ACSM3: variants seen among roughly 807,000 people sequenced by gnomAD.
The protein encoded by ACSM3 is acyl-CoA synthetase medium chain family member 3.
A neutral mutation model predicts 74.1 loss-of-function variants in ACSM3; 61 were observed. That is an observed-to-expected ratio of 0.82 (90% confidence interval 0.67 to 1.02). The LOEUF (loss-of-function observed/expected upper bound fraction) is 1.02, where lower values mean the gene tolerates loss of function less well. ACSM3 is among the 50% of genes least tolerant of loss of function. The pLI is 0.00. For missense variants in ACSM3, 660 were observed against 697.0 expected, an observed-to-expected ratio of 0.95 and a Z score of 0.60; for synonymous variants, 213 against 241.5, an observed-to-expected ratio of 0.88 and a Z score of 1.09.
intron 1 of ACSM3, among the ~76,000 whole-genome samples, chr16:20,713,615 C>A (rs2079751240): frequency 6.6e-6 from 1 of 152,156 alleles, no homozygotes; most frequent in African/African-American, 2.4e-5. Flanking sequence ...TTGCACACTT[C>A]CTGAGCAGCA....
chr16:20,751,739 A>T (rs1175346656), intron 2 of ACSM3, among the ~76,000 whole-genome samples: 1 of 152,164 alleles, frequency 6.6e-6, no homozygotes, highest in Non-Finnish European at 1.5e-5. Context: ...CACATCGGTT[A>T]TGTCACCTTG....
chr16:20,709,847 G>T (rs1229217742), intron 1 of ACSM3, among the ~76,000 whole-genome samples: 2 of 152,160 alleles, frequency 1.3e-5, no homozygotes, highest in South Asian at 2.1e-4. Flanking sequence ...ACAAGTCTTG[G>T]GAGTCTGGGG....
chr16:20,741,840 C>T (rs2079929722), intron 1 of ACSM3: 9 of 1,537,378 alleles, frequency 5.9e-6, no homozygotes, highest in Non-Finnish European at 7.8e-6. Context: ...TGAGCGACGG[C>T]CTCCCCTAGC....
chr16:20,781,808 G>T lies in ACSM3; in HGVS notation c.1019+21G>T, dbSNP rs896807425. 3 of 1,541,252 alleles carry T rather than the reference G, an allele frequency of 1.9e-6. No individual in the cohort carries two copies. In the South Asian group the frequency reaches 3.4e-5, roughly 17 times the overall value. On this transcript the variant is annotated intron_variant, in intron 7 of 13. Transcript: ENST00000289416. ...ACCAGGTAAGAAATGTTAGTAAATA[G>T]GCATCTAGTGGGGAGAGGGGAGAAG...
intron 1 of ACSM3, among the ~76,000 whole-genome samples, chr16:20,698,269 G>T (rs2079701389): frequency 6.6e-6 from 1 of 151,502 alleles, no homozygotes; most frequent in African/African-American, 2.4e-5. Flanking sequence ...GGGTGTGAAT[G>T]AACTAGATCC....
Position 20,792,099 on chromosome 16 carries a change from C to T in ACSM3, c.1424C>T (p.Ala475Val). 6.2e-7 allele frequency: 1 copy of T among 1,614,090 alleles called. No homozygotes were observed. Among genetic ancestry groups the T allele is most frequent in the Non-Finnish European group, 8.5e-7 (1 of 1,180,004 alleles). ...MDKDGYFWFV[A>V]RADDVILSSG... ...AAAGATGGGTATTTCTGGTTTGTTGCAAGAGCAGATGATGTCATATTATCC... is the reference window on the plus strand; with the variant it reads ...AAAGATGGGTATTTCTGGTTTGTTGTAAGAGCAGATGATGTCATATTATCC... Residue 475 changes from alanine to valine, a missense_variant, in exon 11 of 14, where the codon GCA (alanine) becomes GTA (valine). Ala to Val is a moderately conservative substitution (Grantham distance 64). Transcript: ENST00000289416.
At chr16:20,675,154 G>A (rs2020194367) in intron 1 of ACSM3, among the ~76,000 whole-genome samples, 1 of 152,128 alleles carries the variant, frequency 6.6e-6, no homozygotes, top group South Asian at 2.1e-4. Flanking sequence ...GAGTCCTGGG[G>A]TAGAAGTGGT....
intron 8 of ACSM3, 101 bp from the exon 9 acceptor site, chr16:20,785,977 T>A (rs2080465535): frequency 1.3e-6 from 1 of 741,488 alleles, no homozygotes; most frequent in Non-Finnish European, 2.1e-6. Flanking sequence ...GCCTAGTTCA[T>A]AGTAAGTTTT....
At chr16:20,757,052 T>C (rs916074869) in intron 3 of ACSM3, among the ~76,000 whole-genome samples, 76 of 151,350 alleles carry the variant, frequency 5.0e-4, no homozygotes, top group African/African-American at 1.8e-3. Context: ...GTAGTATAGT[T>C]TGAAGTCAGG....
chr16:20,775,997 T>G lies in ACSM3; in HGVS notation c.378T>G (p.Ile126Met), dbSNP rs1567349932. The change falls in exon 3 of 14, where the codon ATT becomes ATG. Residue 126 changes from isoleucine to methionine, a missense_variant. Coordinates refer to ENST00000289416, the MANE Select transcript of ACSM3 (RefSeq NM_005622.4). ...AAAGAGGAGATCGGGTAATTCTGAT[T>G]CTGCCCAGGGTCCCAGAGTGGTGGC... The part of the protein sequence containing the change: ...SLQRGDRVIL[I>M]LPRVPEWWLA... The G allele has an allele frequency of 6.2e-7, 1 of 1,614,200 alleles. No homozygotes were observed. The highest frequency in any genetic ancestry group is 8.5e-7 in the Non-Finnish European group (1 of 1,180,036).
In ACSM3 at chr16:20,796,506, T is replaced by C. The variant is rs758680212; in HGVS notation, c.1674+17T>C. ...CCCAGAAAGGTAGGCATCCTAATTA[T>C]AACGAATATTTGCTCAGTGTTGTGG... is the stretch of plus-strand genomic sequence containing the variant. On this transcript the variant is annotated intron_variant, in intron 13 of 13. Coordinates refer to ENST00000289416, the MANE Select transcript of ACSM3 (RefSeq NM_005622.4). The C allele has an allele frequency of 1.2e-6, 2 of 1,609,292 alleles. No individual in the cohort carries two copies. Among genetic ancestry groups the C allele is most frequent in the South Asian group, 1.1e-5 (1 of 90,014 alleles).
intron 7 of ACSM3, 62 bp from the exon 8 acceptor site, chr16:20,784,922 C>T (rs1452207727): frequency 1.3e-6 from 2 of 1,543,158 alleles, no homozygotes; most frequent in Middle Eastern, 3.5e-4. Context: ...AAGAAATAAT[C>T]CTTAATCTTC....
chr16:20,766,424 G>A (rs1181988847), intron 1 of ACSM3, among the ~76,000 whole-genome samples: 2 of 152,046 alleles, frequency 1.3e-5, no homozygotes, highest in Non-Finnish European at 2.9e-5. Context: ...GAGGCCGTGT[G>A]CGTGTTTGTG....
chr16:20,750,473 CCT>C (rs1555484091), intron 2 of ACSM3, among the ~76,000 whole-genome samples: 2 of 152,108 alleles, frequency 1.3e-5, no homozygotes, highest in South Asian at 2.1e-4. Context: ...TAAACACCCC[CCT>C]CTCTCTCGTT....
At chr16:20,763,116 T>A (rs2080090894), upstream of ACSM3, among the ~76,000 whole-genome samples, 1 of 152,050 alleles carries the variant, frequency 6.6e-6, no homozygotes, top group Admixed American at 6.5e-5. Flanking sequence ...ATTGAAAGAG[T>A]CCTTTATTTA....
chr16:20,711,309 C>T (rs2079743095), intron 1 of ACSM3, among the ~76,000 whole-genome samples: 1 of 152,184 alleles, frequency 6.6e-6, no homozygotes, highest in South Asian at 2.1e-4. Context: ...CTCTAAAAAT[C>T]TCTCAGGGAT....
chr16:20,741,684 T>C, intron 1 of ACSM3: 1 of 1,583,502 alleles, frequency 6.3e-7, no homozygotes, highest in Non-Finnish European at 8.6e-7. Flanking sequence ...ATACTGAGCC[T>C]TGCCTTTGCG....
At chr16:20,709,507 G>T (rs1456692044) in intron 1 of ACSM3, among the ~76,000 whole-genome samples, 2 of 152,298 alleles carry the variant, frequency 1.3e-5, no homozygotes, top group Non-Finnish European at 2.9e-5. Flanking sequence ...GAAGAAAACT[G>T]CCCCTAACCC....
chr16:20,750,564 C>T (rs7195378), intron 2 of ACSM3, among the ~76,000 whole-genome samples: 64,903 of 152,062 alleles, frequency 0.43, 16,398 homozygotes, highest in Non-Finnish European at 0.58. Context: ...ATATAAGGAT[C>T]CTGAGTCTAC....
Sources: allele counts gnomAD v4.1 joint callset (sites outside exome capture counted in the v4.1 genomes callset), GRCh38; gene constraint gnomAD v4.1.1; transcripts MANE v1.5; gene names NCBI Gene and HGNC (gene_info 2026-07-23, HGNC 2026-07-21).